TDRD9: variants seen among roughly 807,000 people sequenced by gnomAD.
TDRD9 encodes tudor domain containing 9.
In TDRD9, 124 loss-of-function variants were observed where a neutral mutation model predicts 172.6. That is an observed-to-expected ratio of 0.72 (90% CI 0.62 to 0.83). TDRD9 has a LOEUF of 0.83. Ranked by LOEUF, TDRD9 falls within the 40% of genes least tolerant of loss-of-function variation. The pLI is 0.00. For missense variants in TDRD9, 1,479 were observed against 1,714.1 expected (o/e 0.86, Z 2.42); for synonymous variants, 619 against 617.1 (o/e 1.00, Z -0.05).
intron 1 of TDRD9, among the ~76,000 whole-genome samples, chr14:103,944,470 C>T (rs940818341): frequency 6.6e-5 from 10 of 152,100 alleles, no homozygotes; most frequent in African/African-American, 2.2e-4. Context: ...TTCCTTGGCC[C>T]TTCTTTTCCT....
At chr14:104,040,431 C>T (rs2035581215) in intron 33 of TDRD9, 97 bp downstream of exon 33, 13 of 1,266,114 alleles carry the variant, frequency 1.0e-5, no homozygotes, top group Non-Finnish European at 1.2e-5. Context: ...GCTCGCGGTG[C>T]AGACACACAC....
In TDRD9 at chr14:103,995,783, G is replaced by C; in HGVS notation, c.1354G>C (p.Val452Leu). The C allele has an allele frequency of 6.2e-7, 1 of 1,609,172 alleles. No individual in the cohort carries two copies. ...GTCCACCAATATTGCAGAGAGTTCT[G>C]TCACAGTTCCAGATGTCAAATATGG... ...ILSTNIAESS[V>L]TVPDVKYVID... The change falls in exon 12 of 36, where the codon GTC (valine) becomes CTC (leucine). Residue 452 changes from valine (V) to leucine (L), a missense_variant. Val to Leu is a conservative substitution (Grantham distance 32, BLOSUM62 1). Coordinates refer to ENST00000409874, the MANE Select transcript of TDRD9 (RefSeq NM_153046.3).
chr14:103,976,423 G>A (rs1170550182), intron 7 of TDRD9, among the ~76,000 whole-genome samples: 2 of 151,892 alleles, frequency 1.3e-5, no homozygotes, highest in Admixed American at 6.6e-5. Context: ...ACAGGCGTCC[G>A]CCACCATGCC....
intron 6 of TDRD9, among the ~76,000 whole-genome samples, chr14:103,972,608 A>G (rs2033080855): frequency 6.6e-6 from 1 of 152,246 alleles, no homozygotes; most frequent in Non-Finnish European, 1.5e-5. Context: ...TCTGTGGGAA[A>G]CAGCTTGATA....
rs11444885 is a variant in TDRD9, at chr14:103,967,347, C to CAAAA, written c.765+539_765+542dup. On this transcript the variant is annotated intron_variant, in intron 5 of 35. Coordinates refer to ENST00000409874, the MANE Select transcript of TDRD9 (RefSeq NM_153046.3). The stretch of plus-strand genomic sequence containing the variant: ...GTGAAACCCATCTCTACTAAAAATA[C>CAAAA]AAAAAAAAAAAAAAAAAAAAAAAAA... 8.8e-4 allele frequency among the ~76,000 whole-genome samples: 44 copies of CAAAA among 49,748 alleles called. 5 individuals carry two copies. Among genetic ancestry groups the CAAAA allele is most frequent in the African/African-American group, 1.3e-3 (13 of 10,354 alleles). 32.6% of individuals were successfully genotyped at this position (49,748 alleles called of 152,430 possible).
chr14:104,033,312 G>T (rs1397278449), intron 30 of TDRD9, among the ~76,000 whole-genome samples: 3 of 152,232 alleles, frequency 2.0e-5, no homozygotes, highest in Non-Finnish European at 4.4e-5. Flanking sequence ...AGGAGCCCCA[G>T]TGTGAAGCCG....
chr14:103,994,946 C>T, intron 11 of TDRD9, among the ~76,000 whole-genome samples: 1 of 114,838 alleles, frequency 8.7e-6, no homozygotes, highest in Non-Finnish European at 1.8e-5. Flanking sequence ...ACAAGACTGT[C>T]TCAAAACAAA....
chr14:103,972,060 C>T (rs1239556603), intron 6 of TDRD9, among the ~76,000 whole-genome samples: 1 of 151,630 alleles, frequency 6.6e-6, no homozygotes, highest in African/African-American at 2.4e-5. Context: ...GGGAGGCTGA[C>T]GGAGGATTGC....
At chr14:104,011,027 C>T (rs530074708) in intron 20 of TDRD9, among the ~76,000 whole-genome samples, 1 of 152,280 alleles carries the variant, frequency 6.6e-6, no homozygotes, top group South Asian at 2.1e-4. Context: ...ACTGCAGACA[C>T]GTGAGTAAAC....
intron 1 of TDRD9, chr14:103,940,965 G>C: frequency 6.5e-7 from 1 of 1,535,398 alleles, no homozygotes; most frequent in Non-Finnish European, 8.7e-7. Context: ...GAGCAGAGCA[G>C]TCCATGCTCC....
intron 23 of TDRD9, among the ~76,000 whole-genome samples, chr14:104,019,707 G>T (rs185857360): frequency 6.6e-6 from 1 of 152,308 alleles, no homozygotes; most frequent in East Asian, 1.9e-4. Flanking sequence ...TGCCAAGGGC[G>T]CATGGGCAGA....
At chr14:104,041,478 C>T (rs1437717751) in intron 33 of TDRD9, among the ~76,000 whole-genome samples, 1 of 152,198 alleles carries the variant, frequency 6.6e-6, no homozygotes, top group Non-Finnish European at 1.5e-5. Context: ...GGTTACATAT[C>T]TGATGAAGGA....
chr14:104,012,965 C>T (rs2034661076), intron 20 of TDRD9, among the ~76,000 whole-genome samples: 1 of 152,088 alleles, frequency 6.6e-6, no homozygotes, highest in Non-Finnish European at 1.5e-5. Flanking sequence ...TAGAGAGTGG[C>T]ATAGTCTTGG....
intron 13 of TDRD9, among the ~76,000 whole-genome samples, 164 bp downstream of exon 13, chr14:103,998,892 T>C (rs1485969505): frequency 6.6e-6 from 1 of 152,040 alleles, no homozygotes. Flanking sequence ...TCCCGGGTTC[T>C]TGCCATTCTC....
chr14:103,966,867 A>G (rs779541042), intron 5 of TDRD9, 36 bp downstream of exon 5: 4 of 1,525,510 alleles, frequency 2.6e-6, no homozygotes, highest in Non-Finnish European at 3.5e-6. Context: ...GGTCATATTT[A>G]TCTCTCTTAA....
chr14:103,975,622 A>C, intron 7 of TDRD9, 69 bp downstream of exon 7: 1 of 1,442,820 alleles, frequency 6.9e-7, no homozygotes, highest in East Asian at 2.5e-5. Context: ...TGCATTCATC[A>C]CCTATGATTG....
At chr14:103,982,454 C>A (rs1256250797) in intron 7 of TDRD9, among the ~76,000 whole-genome samples, 2 of 152,180 alleles carry the variant, frequency 1.3e-5, no homozygotes, top group Admixed American at 1.3e-4. Context: ...CCTGGCCTTT[C>A]TGCAATATTT....
chr14:104,026,430 A>G (rs540870830), intron 27 of TDRD9, among the ~76,000 whole-genome samples: 15 of 152,226 alleles, frequency 9.9e-5, no homozygotes, highest in Non-Finnish European at 1.9e-4. Context: ...TAGGCCACAG[A>G]CATAGTCACA....
intron 25 of TDRD9, 64 bp downstream of exon 25, chr14:104,024,744 A>T: frequency 1.4e-6 from 1 of 696,400 alleles, no homozygotes; most frequent in Non-Finnish European, 2.5e-6. Flanking sequence ...TGTATACAGG[A>T]AGTTTACACA....
Sources: gnomAD v4.1 joint callset for allele counts (sites outside exome capture counted in the v4.1 genomes callset) on GRCh38, gnomAD v4.1.1 for gene constraint, MANE v1.5 for transcripts, NCBI Gene and HGNC (gene_info 2026-07-23, HGNC 2026-07-21) for gene names.